The following IQCM variants were observed in gnomAD, a reference collection of about 807,000 sequenced individuals.
IQCM encodes the protein IQ domain-containing protein M.
IQCM carries 45 observed loss-of-function variants against 57.6 expected under a neutral mutation model. The observed-to-expected ratio is 0.78, with a 90% CI of 0.62 to 1.00. The LOEUF (loss-of-function observed/expected upper bound fraction) is 1.00, where lower values mean the gene tolerates loss of function less well. Ranked by LOEUF, IQCM falls within the 50% of genes least tolerant of loss-of-function variation. IQCM has a pLI of 0.00. For missense variants in IQCM, 468 were observed against 511.6 expected, an observed-to-expected ratio of 0.91 and a Z score of 0.82; for synonymous variants, 148 against 158.9, an observed-to-expected ratio of 0.93 and a Z score of 0.51.
chr4:149,434,653 C>T (rs950695132), intron 12 of IQCM, among the ~76,000 whole-genome samples: 1 of 152,088 alleles, frequency 6.6e-6, no homozygotes, highest in African/African-American at 2.4e-5. Context: ...TATTGCCTCA[C>T]AGATCCAAAT....
At chr4:149,389,370 A>C (rs1731677593) in intron 13 of IQCM, among the ~76,000 whole-genome samples, 1 of 152,028 alleles carries the variant, frequency 6.6e-6, no homozygotes, top group African/African-American at 2.4e-5. Flanking sequence ...CAAATATCAC[A>C]GTCTTGATTA....
intron 13 of IQCM, among the ~76,000 whole-genome samples, chr4:149,390,777 G>C (rs1731794638): frequency 6.6e-6 from 1 of 151,736 alleles, no homozygotes. Flanking sequence ...CTTGATCATG[G>C]GGTGTAATCT....
chr4:149,410,037 A>T (rs1733262152), intron 13 of IQCM, among the ~76,000 whole-genome samples: 1 of 152,162 alleles, frequency 6.6e-6, no homozygotes, highest in Non-Finnish European at 1.5e-5. Flanking sequence ...TACAAAAATT[A>T]GCCAGGCATG....
chr4:149,742,338 A>G (rs1767533761), intron 3 of IQCM, among the ~76,000 whole-genome samples: 1 of 152,170 alleles, frequency 6.6e-6, no homozygotes, highest in African/African-American at 2.4e-5. Flanking sequence ...AGGTTTTCCA[A>G]TAACTGAATT....
chr4:149,415,365 A>G (rs1318660602), intron 13 of IQCM, among the ~76,000 whole-genome samples: 2 of 152,126 alleles, frequency 1.3e-5, no homozygotes, highest in African/African-American at 4.8e-5. Context: ...TTTAAACTTC[A>G]GTTTTCTACT....
At chr4:149,588,773 G>A (rs1752871943) in intron 8 of IQCM, among the ~76,000 whole-genome samples, 1 of 151,828 alleles carries the variant, frequency 6.6e-6, no homozygotes, top group African/African-American at 2.4e-5. Context: ...AATTTATGTT[G>A]TTTAGTCTGC....
chr4:149,660,599 T>C (rs1411975393), intron 7 of IQCM, among the ~76,000 whole-genome samples: 2 of 152,070 alleles, frequency 1.3e-5, no homozygotes, highest in Non-Finnish European at 2.9e-5. Context: ...CCAACAATGA[T>C]AGACTGGATT....
intron 2 of IQCM, among the ~76,000 whole-genome samples, chr4:149,798,904 G>A (rs1405699824): frequency 4.0e-5 from 6 of 151,860 alleles, no homozygotes; most frequent in Non-Finnish European, 5.9e-5. Flanking sequence ...AACACTCCAC[G>A]TTAAGCATTG....
chr4:149,449,693 T>G (rs1440572935), intron 12 of IQCM, among the ~76,000 whole-genome samples: 1 of 151,280 alleles, frequency 6.6e-6, no homozygotes, highest in Non-Finnish European at 1.5e-5. Flanking sequence ...AAAACAATGA[T>G]GAAAGAAATT....
At chr4:149,465,413 T>C (rs1469907726) in intron 12 of IQCM, among the ~76,000 whole-genome samples, 2 of 152,134 alleles carry the variant, frequency 1.3e-5, no homozygotes, top group African/African-American at 4.8e-5. Context: ...AACTAGTAAC[T>C]AGGGCTCCCA....
chr4:149,435,732 C>T (rs367662235), intron 12 of IQCM, among the ~76,000 whole-genome samples: 3 of 151,746 alleles, frequency 2.0e-5, no homozygotes, highest in African/African-American at 7.3e-5. Flanking sequence ...TGAATATTGA[C>T]GATCCTGTGT....
chr4:149,491,394 G>T (rs1187081429), intron 12 of IQCM, among the ~76,000 whole-genome samples: 4 of 151,992 alleles, frequency 2.6e-5, no homozygotes, highest in African/African-American at 7.2e-5. Flanking sequence ...ATTCCTAATT[G>T]AAATTTTGTA....
intron 13 of IQCM, among the ~76,000 whole-genome samples, chr4:149,410,527 T>G (rs1733312487): frequency 6.6e-6 from 1 of 150,976 alleles, no homozygotes; most frequent in African/African-American, 2.4e-5. Flanking sequence ...TTATGTAATA[T>G]TTTCATTTTG....
At chr4:149,553,098 T>C (rs1200971149) in intron 11 of IQCM, 45 bp downstream of exon 11, 1 of 1,222,988 alleles carries the variant, frequency 8.2e-7, no homozygotes. Flanking sequence ...ATGGCTAAAT[T>C]AACTCCAAAC....
chr4:149,537,012 A>T (rs1345703653), intron 12 of IQCM, among the ~76,000 whole-genome samples: 1 of 152,034 alleles, frequency 6.6e-6, no homozygotes, highest in Non-Finnish European at 1.5e-5. Flanking sequence ...TAGTTGTAAC[A>T]ACAAAGTATC....
chr4:149,671,572 G>T (rs1311937897), intron 7 of IQCM, among the ~76,000 whole-genome samples: 4 of 151,924 alleles, frequency 2.6e-5, no homozygotes, highest in African/African-American at 7.3e-5. Context: ...CTGATGTTAG[G>T]GTGTCAATTT....
At chr4:149,411,154 A>G (rs1733358250) in intron 13 of IQCM, among the ~76,000 whole-genome samples, 1 of 152,116 alleles carries the variant, frequency 6.6e-6, no homozygotes, top group African/African-American at 2.4e-5. Context: ...GAAATTTATA[A>G]AACTCAGGTA....
intron 13 of IQCM, among the ~76,000 whole-genome samples, chr4:149,403,462 T>C (rs1294638487): frequency 6.6e-6 from 1 of 152,020 alleles, no homozygotes; most frequent in Non-Finnish European, 1.5e-5. Context: ...TCTTCAATTA[T>C]CCATCGTAAA....
chr4:149,661,875 T>A (rs992643972), intron 7 of IQCM, among the ~76,000 whole-genome samples: 2 of 152,074 alleles, frequency 1.3e-5, no homozygotes, highest in African/African-American at 4.8e-5. Flanking sequence ...CAATATTGGT[T>A]ATGTTTCTTA....
Sources: gnomAD v4.1 joint callset for allele counts (sites outside exome capture counted in the v4.1 genomes callset) on GRCh38, gnomAD v4.1.1 for gene constraint, MANE v1.5 for transcripts, NCBI Gene and HGNC (gene_info 2026-07-23, HGNC 2026-07-21) for gene names.